TBC1D4: variants seen among roughly 807,000 people sequenced by gnomAD.
TBC1D4 encodes the protein TBC (Tre-2, BUB2, CDC16) domain-containing protein.
TBC1D4 carries 121 observed loss-of-function variants against 142.5 expected under a neutral mutation model. The observed-to-expected ratio is 0.85, with a 90% confidence interval of 0.73 to 0.99. TBC1D4 has a LOEUF of 0.99. Ranked by LOEUF, TBC1D4 falls within the 50% of genes least tolerant of loss-of-function variation. The probability of loss-of-function intolerance (pLI) is 0.00; values close to 1 mark genes in which losing one functional copy is unlikely to be tolerated. For missense variants in TBC1D4, 1,475 were observed against 1,606.6 expected, an observed-to-expected ratio of 0.92 and a Z score of 1.40; for synonymous variants, 630 against 628.2, an observed-to-expected ratio of 1.00 and a Z score of -0.04.
At chr13:75,345,722 G>A (rs1007121201) in intron 5 of TBC1D4, among the ~76,000 whole-genome samples, 4 of 149,152 alleles carry the variant, frequency 2.7e-5, no homozygotes, top group Admixed American at 2.7e-4. Flanking sequence ...GTGAAACCCC[G>A]TCTCTAAGAA....
intron 1 of TBC1D4, among the ~76,000 whole-genome samples, chr13:75,394,841 A>G (rs896661280): frequency 9.2e-5 from 14 of 151,888 alleles, no homozygotes; most frequent in East Asian, 7.7e-4. Context: ...AAAGGGAAAC[A>G]ACAGGAACAG....
In TBC1D4 at chr13:75,476,192, G is replaced by A. The variant is rs190345805; in HGVS notation, c.498+5078C>T. The stretch of plus-strand genomic sequence containing the variant: ...TGAGAGGTGGAGGTTGCAGTGAGCC[G>A]AGATCGCGCCACTGCACTCCAGCCT... On this transcript the variant is annotated intron_variant, in intron 1 of 20. Transcript: ENST00000377636. Among the ~76,000 whole-genome samples the A allele has an allele frequency of 1.9e-3, 285 of 152,234 alleles. 2 individuals are homozygous for A. Among genetic ancestry groups the A allele is most frequent in the Admixed American group, 0.015 (229 of 15,292 alleles).
At chr13:75,303,351 AG>A (rs1427837594) in intron 15 of TBC1D4, among the ~76,000 whole-genome samples, 1 of 152,170 alleles carries the variant, frequency 6.6e-6, no homozygotes, top group African/African-American at 2.4e-5. Flanking sequence ...GTAAACAATA[AG>A]AAGGCGTAAC....
chr13:75,471,897 G>A (rs909608381), intron 1 of TBC1D4, among the ~76,000 whole-genome samples: 1 of 151,836 alleles, frequency 6.6e-6, no homozygotes, highest in South Asian at 2.1e-4. Flanking sequence ...ACCTGAGGTC[G>A]GGAGTGCGAG....
intron 1 of TBC1D4, chr13:75,366,834 A>G: frequency 5.3e-6 from 3 of 570,428 alleles, no homozygotes; most frequent in Non-Finnish European, 6.7e-6. Flanking sequence ...AAATTCTACA[A>G]CTACCAAACA....
intron 14 of TBC1D4, among the ~76,000 whole-genome samples, chr13:75,307,898 G>A (rs951356126): frequency 2.0e-5 from 3 of 152,030 alleles, no homozygotes; most frequent in African/African-American, 7.3e-5. Context: ...GCTTTATTAA[G>A]GCTAAAAACA....
chr13:75,382,636 T>C (rs1042415975), intron 1 of TBC1D4, among the ~76,000 whole-genome samples: 4 of 152,308 alleles, frequency 2.6e-5, no homozygotes, highest in African/African-American at 7.2e-5. Context: ...TGGAACAAAC[T>C]GTATGTGAAT....
At chr13:75,476,103 C>T (rs541165128) in intron 1 of TBC1D4, among the ~76,000 whole-genome samples, 8 of 152,076 alleles carry the variant, frequency 5.3e-5, no homozygotes, top group African/African-American at 1.2e-4. Context: ...ATTAGCTGGG[C>T]GTGGTGGTGC....
intron 5 of TBC1D4, among the ~76,000 whole-genome samples, chr13:75,346,080 T>A (rs1020316557): frequency 7.2e-5 from 11 of 152,254 alleles, no homozygotes; most frequent in African/African-American, 2.7e-4. Flanking sequence ...ATATTACTTA[T>A]AAACAATGGG....
chr13:75,350,689 T>C (rs1881520699), intron 4 of TBC1D4, among the ~76,000 whole-genome samples: 1 of 152,182 alleles, frequency 6.6e-6, no homozygotes, highest in Non-Finnish European at 1.5e-5. Flanking sequence ...CTGAAGGGGT[T>C]AGCAATCTAC....
intron 15 of TBC1D4, among the ~76,000 whole-genome samples, chr13:75,305,009 T>G (rs1877023228): frequency 6.6e-6 from 1 of 152,122 alleles, no homozygotes; most frequent in Non-Finnish European, 1.5e-5. Flanking sequence ...CTCCCATAAT[T>G]CCATGTGTAG....
chr13:75,359,712 G>GA (rs1196986901), intron 3 of TBC1D4, 57 bp downstream of exon 3: 4 of 1,368,708 alleles, frequency 2.9e-6, no homozygotes, highest in Non-Finnish European at 4.2e-6. Flanking sequence ...TTATTTTATT[G>GA]TTAATTCTGA....
intron 8 of TBC1D4, among the ~76,000 whole-genome samples, chr13:75,332,187 TTGCCATTTTGTAAA>T (rs1879806254): frequency 6.6e-6 from 1 of 152,226 alleles, no homozygotes; most frequent in African/African-American, 2.4e-5. Flanking sequence ...TAAATACCCT[TTGCCATTTTGTAAA>T]TGACAGAGGT....
At chr13:75,455,430 C>G (rs1480804955) in intron 1 of TBC1D4, among the ~76,000 whole-genome samples, 1 of 151,952 alleles carries the variant, frequency 6.6e-6, no homozygotes, top group Non-Finnish European at 1.5e-5. Flanking sequence ...AAAAAAAAGT[C>G]TTACAGGACA....
At chr13:75,407,835 C>T (rs938052502) in intron 1 of TBC1D4, among the ~76,000 whole-genome samples, 2 of 149,814 alleles carry the variant, frequency 1.3e-5, no homozygotes, top group African/African-American at 2.5e-5. Context: ...GAACTCACAC[C>T]GACAAGAAAC....
chr13:75,367,026 G>C (rs1400141041), intron 1 of TBC1D4: 1 of 974,818 alleles, frequency 1.0e-6, no homozygotes, highest in Non-Finnish European at 1.2e-6. Flanking sequence ...AAATAAGCTG[G>C]CGGTATTTTC....
rs768617033 is a variant in TBC1D4 at position 75,336,994 on chromosome 13, C to G, written c.1658G>C (p.Arg553Thr). ...ATTTTTCAGAATGTCAAGTTTGAAC[C>G]TTCCACTGCTTGTTGCATTTTCTGG... ...TIPENATSSG[R>T]FKLDILKNKA... Residue 553 changes from arginine to threonine, a missense_variant, in exon 8 of 21, where the codon AGG becomes ACG. Around this residue, in one of 2 missense-constraint regions of TBC1D4, gnomAD observed 1,227 missense variants for 1,267.7 expected, o/e 0.97. Transcript: ENST00000377636. 9 of 1,613,068 alleles carry G rather than the reference C, an allele frequency of 5.6e-6. No individual in the cohort carries two copies. The highest frequency in any genetic ancestry group is 5.3e-5 in the African/African-American group (4 of 74,836).
intron 14 of TBC1D4, 69 bp from the exon 15 acceptor site, chr13:75,306,540 T>C (rs1877207555): frequency 1.9e-6 from 3 of 1,575,792 alleles, no homozygotes; most frequent in Middle Eastern, 1.7e-4. Flanking sequence ...CGTTTGATTG[T>C]ATTTGTAAAA....
At chr13:75,357,316 T>C (rs1234325430) in intron 3 of TBC1D4, among the ~76,000 whole-genome samples, 4 of 152,178 alleles carry the variant, frequency 2.6e-5, no homozygotes, top group Non-Finnish European at 5.9e-5. Context: ...CTGCAATTCT[T>C]GAGGTGAAAG....
Sources: allele counts gnomAD v4.1 joint callset (sites outside exome capture counted in the v4.1 genomes callset), GRCh38; gene constraint gnomAD v4.1.1; regional missense constraint gnomAD v4.1.1; transcripts MANE v1.5; gene names NCBI Gene and HGNC (gene_info 2026-07-23, HGNC 2026-07-21).